Variants in NEK4 observed in about 807,000 individuals in gnomAD.
The protein encoded by NEK4 is NIMA related kinase 4.
NEK4 carries 86 observed loss-of-function variants against 98.4 expected under a neutral mutation model. The observed-to-expected ratio is 0.87, with a 90% CI of 0.73 to 1.05. The LOEUF is 1.05. NEK4 is among the 50% of genes least tolerant of loss of function. The probability of loss-of-function intolerance (pLI) is 0.00; values close to 1 mark genes in which losing one functional copy is unlikely to be tolerated. For synonymous variants in NEK4, 328 were observed against 342.2 expected, an observed-to-expected ratio of 0.96 and a Z score of 0.46; for missense variants, 898 against 950.3, an observed-to-expected ratio of 0.94 and a Z score of 0.72.
At chr3:52,721,427 G>A (rs1161221020) in intron 15 of NEK4, among the ~76,000 whole-genome samples, 1 of 152,044 alleles carries the variant, frequency 6.6e-6, no homozygotes, top group Non-Finnish European at 1.5e-5. Flanking sequence ...TACATTGAAG[G>A]AGCAGGATGT....
At chr3:52,745,016 C>G (rs529516170) in intron 10 of NEK4, among the ~76,000 whole-genome samples, 1 of 151,724 alleles carries the variant, frequency 6.6e-6, no homozygotes, top group Non-Finnish European at 1.5e-5. Context: ...CCCAGGTACA[C>G]GCCATTCTCC....
In NEK4 at chr3:52,717,255, A is replaced by G. The variant is rs1178503915; in HGVS notation, c.2434-5386T>C. 3.3e-5 allele frequency among the ~76,000 whole-genome samples: 5 copies of G among 151,956 alleles called. No individual in the cohort carries two copies. The East Asian group carries it at 9.7e-4, about 29-fold the overall frequency. On this transcript the variant is annotated intron_variant, in intron 15 of 15. Transcript: ENST00000233027. ...AAACCGCATCTCTACTAAAAATACA[A>G]AATTGGCTGGGTGTGGTGGTGAGTG...
intron 8 of NEK4, 45 bp from the exon 9 acceptor site, chr3:52,746,949 G>T: frequency 7.0e-7 from 1 of 1,428,532 alleles, no homozygotes; most frequent in Non-Finnish European, 9.7e-7. Context: ...CAGCAACCTG[G>T]TACATTGTAA....
At position 52,746,858 on chromosome 3, in the gene NEK4, T is replaced by C. The variant is rs545339058; in HGVS notation, c.1553A>G (p.His518Arg). Residue 518 changes from histidine to arginine, a missense_variant, in exon 9 of 16, where the codon CAC (histidine) becomes CGC (arginine). Transcript: ENST00000233027. ...ECIIEKQGRI[H>R]PDLQPHNSGS... ...AGAGTTGTGTGGCTGTAAATCTGGGTGGATTCTGCCCTGTTTTTCTATAAT... is the reference window on the plus strand; with the variant it reads ...AGAGTTGTGTGGCTGTAAATCTGGGCGGATTCTGCCCTGTTTTTCTATAAT... 3.7e-6 allele frequency: 6 copies of C among 1,614,084 alleles called. No homozygotes were observed. The South Asian group carries it at 4.4e-5, about 12-fold the overall frequency.
intron 15 of NEK4, among the ~76,000 whole-genome samples, chr3:52,714,807 C>A (rs1469199656): frequency 6.6e-6 from 1 of 152,260 alleles, no homozygotes. Context: ...TACCCCCACC[C>A]CCAGCTCCAA....
At chr3:52,757,836 C>G (rs1202369655) in intron 6 of NEK4, among the ~76,000 whole-genome samples, 4 of 152,080 alleles carry the variant, frequency 2.6e-5, no homozygotes, top group Non-Finnish European at 5.9e-5. Context: ...AATGCAAGAT[C>G]TCCTTATCTG....
intron 15 of NEK4, among the ~76,000 whole-genome samples, chr3:52,727,301 A>G (rs2097365491): frequency 6.6e-6 from 1 of 152,132 alleles, no homozygotes; most frequent in African/African-American, 2.4e-5. Context: ...ACCTAACAAC[A>G]GAATATGCAT....
At chr3:52,732,667 T>C in intron 15 of NEK4, 1 of 322,264 alleles carries the variant, frequency 3.1e-6, no homozygotes, top group Non-Finnish European at 6.3e-6. Flanking sequence ...ACAGAGGGCT[T>C]TATACAGGGA....
chr3:52,718,485 A>T (rs1344808923), intron 15 of NEK4, among the ~76,000 whole-genome samples: 1 of 151,914 alleles, frequency 6.6e-6, no homozygotes, highest in Non-Finnish European at 1.5e-5. Flanking sequence ...AAAAAAAAAA[A>T]AAAAAAAGAA....
intron 6 of NEK4, 142 bp from the exon 7 acceptor site, chr3:52,752,478 T>A: frequency 1.4e-6 from 1 of 730,026 alleles, no homozygotes. Flanking sequence ...AAGTATGTAA[T>A]CCAAGGAACT....
intron 1 of NEK4, among the ~76,000 whole-genome samples, chr3:52,770,379 T>C (rs912326716): frequency 4.6e-5 from 7 of 150,828 alleles, no homozygotes; most frequent in African/African-American, 1.2e-4. Flanking sequence ...AAGAAGTAGA[T>C]AGGCAGAGAC....
chr3:52,737,477 G>T, intron 15 of NEK4, 109 bp downstream of exon 15: 3 of 1,176,836 alleles, frequency 2.5e-6, no homozygotes, highest in Non-Finnish European at 3.7e-6. Context: ...AAAAACCACT[G>T]AATTATACAC....
At chr3:52,735,461 A>G (rs1237143553) in intron 15 of NEK4, among the ~76,000 whole-genome samples, 2 of 152,252 alleles carry the variant, frequency 1.3e-5, no homozygotes, top group African/African-American at 4.8e-5. Flanking sequence ...GGACATTATA[A>G]GTTCTTGGAT....
chr3:52,762,442 C>T (rs981336858), intron 5 of NEK4, among the ~76,000 whole-genome samples: 3 of 151,714 alleles, frequency 2.0e-5, no homozygotes, highest in Non-Finnish European at 4.4e-5. Context: ...GTGCATATGT[C>T]CTTTAAAAAA....
rs991591696 is a variant in NEK4, at chr3:52,743,246, C to G, written c.2004+106G>C. The G allele has an allele frequency of 3.8e-6, 3 of 786,842 alleles. No individual in the cohort carries two copies. In the Admixed American group the frequency reaches 6.1e-5, roughly 16 times the overall value. 48.7% of individuals were successfully genotyped at this position (786,842 alleles called of 1,614,324 possible). A position where few individuals can be genotyped will look rare whatever the true frequency, so the allele number is the denominator to read the frequency against. On this transcript the variant is annotated intron_variant, in intron 12 of 15. Coordinates refer to ENST00000233027, the MANE Select transcript of NEK4 (RefSeq NM_003157.6). ...ATCAAGAGTGAAAAGATATAACAAG[C>G]TGGCCCTGTCCCAAAAATAAATGGA...
At chr3:52,730,334 T>G (rs6769720) in intron 15 of NEK4, among the ~76,000 whole-genome samples, 8,371 of 152,204 alleles carry the variant, frequency 0.055, 489 homozygotes, top group African/African-American at 0.15. Context: ...CCTGATGGCT[T>G]TGCTGGTGAT....
At chr3:52,739,671 C>T (rs764331882) in intron 13 of NEK4, 37 bp from the exon 14 acceptor site, 2 of 1,543,404 alleles carry the variant, frequency 1.3e-6, no homozygotes, top group East Asian at 2.3e-5. Context: ...ATTTAATTGG[C>T]TTCATGAGAA....
At chr3:52,766,518 A>T in intron 2 of NEK4, 143 bp from the exon 3 acceptor site, 1 of 618,854 alleles carries the variant, frequency 1.6e-6, no homozygotes, top group South Asian at 2.0e-5. Flanking sequence ...CTTATTCAAC[A>T]AGCAAATACC....
At chr3:52,759,513 C>T (rs1050136041) in intron 6 of NEK4, among the ~76,000 whole-genome samples, 1 of 151,994 alleles carries the variant, frequency 6.6e-6, no homozygotes, top group Non-Finnish European at 1.5e-5. Flanking sequence ...AAATACAAAT[C>T]AAAAATACAA....
Sources: allele counts gnomAD v4.1 joint callset (sites outside exome capture counted in the v4.1 genomes callset), GRCh38; gene constraint gnomAD v4.1.1; transcripts MANE v1.5; gene names NCBI Gene and HGNC (gene_info 2026-07-23, HGNC 2026-07-21).